The following ARHGAP32 variants were observed in gnomAD, a reference collection of about 807,000 sequenced individuals.
ARHGAP32 encodes the protein rho GTPase-activating protein 32.
In ARHGAP32, 51 loss-of-function variants were observed where a neutral mutation model predicts 186.5. That is an observed-to-expected ratio of 0.27 (90% CI 0.22 to 0.35). ARHGAP32 has a LOEUF of 0.35. ARHGAP32 is among the 10% of genes least tolerant of loss of function. The probability of loss-of-function intolerance (pLI) is 1.00; values close to 1 mark genes in which losing one functional copy is unlikely to be tolerated. For missense variants in ARHGAP32, 2,186 were observed against 2,623.5 expected, an observed-to-expected ratio of 0.83 and a Z score of 3.64; for synonymous variants, 950 against 964.3, an observed-to-expected ratio of 0.99 and a Z score of 0.27.
chr11:128,992,859 A>ATGTGGGCAGATTTTTATTTACTTCTTT (rs1420843954), intron 12 of ARHGAP32, among the ~76,000 whole-genome samples: 1 of 152,194 alleles, frequency 6.6e-6, no homozygotes, highest in East Asian at 1.9e-4. Context: ...AAAAAGTACT[A>ATGTGGGCAGATTTTTATTTACTTCTTT]TGTGGGCAGA....
intron 11 of ARHGAP32, among the ~76,000 whole-genome samples, chr11:129,020,785 A>AT (rs976471013): frequency 3.3e-5 from 5 of 151,922 alleles, no homozygotes; most frequent in African/African-American, 1.2e-4. Context: ...TATGTCAAAA[A>AT]TTTTTTTTAG....
chr11:129,230,648 AT>A (rs1227336100), intron 1 of ARHGAP32, among the ~76,000 whole-genome samples: 1 of 152,178 alleles, frequency 6.6e-6, no homozygotes, highest in Non-Finnish European at 1.5e-5. Context: ...TTTTTAAAAT[AT>A]TATTTCTCAT....
At chr11:128,976,885 T>C (rs1465539975) in intron 19 of ARHGAP32, among the ~76,000 whole-genome samples, 1 of 152,256 alleles carries the variant, frequency 6.6e-6, no homozygotes, top group East Asian at 1.9e-4. Context: ...TAAAGGATTA[T>C]GAATTTGAGC....
chr11:128,971,331 C>A (rs1480426495), intron 22 of ARHGAP32, 172 bp from the exon 23 acceptor site: 11 of 577,602 alleles, frequency 1.9e-5, no homozygotes, highest in Non-Finnish European at 1.8e-5. Context: ...GCTTGTGCTG[C>A]TATTTTGTAC....
intron 2 of ARHGAP32, among the ~76,000 whole-genome samples, chr11:129,131,886 T>C (rs1295850380): frequency 6.6e-6 from 1 of 152,210 alleles, no homozygotes; most frequent in African/African-American, 2.4e-5. Flanking sequence ...TACTTAGACC[T>C]GACAGCAGCC....
At chr11:129,245,125 T>C (rs1389438049) in intron 1 of ARHGAP32, among the ~76,000 whole-genome samples, 1 of 148,840 alleles carries the variant, frequency 6.7e-6, no homozygotes, top group South Asian at 2.1e-4. Context: ...TTATAAATCA[T>C]GCTGCTATAA....
chr11:129,163,841 G>A (rs1180636950), intron 2 of ARHGAP32, among the ~76,000 whole-genome samples: 2 of 152,040 alleles, frequency 1.3e-5, no homozygotes, highest in Non-Finnish European at 2.9e-5. Context: ...GAAACTGCAC[G>A]ATCTGCTTTC....
At chr11:129,127,917 A>G (rs1942701201) in intron 2 of ARHGAP32, among the ~76,000 whole-genome samples, 1 of 152,218 alleles carries the variant, frequency 6.6e-6, no homozygotes, top group Non-Finnish European at 1.5e-5. Context: ...TGTTCATAAA[A>G]GCACGCACCA....
intron 1 of ARHGAP32, among the ~76,000 whole-genome samples, chr11:129,211,286 T>C (rs1488683763): frequency 6.6e-6 from 1 of 152,168 alleles, no homozygotes; most frequent in Non-Finnish European, 1.5e-5. Context: ...ACTCCATTTT[T>C]CCCAGACCTT....
chr11:129,113,239 A>G (rs1302831641), intron 5 of ARHGAP32, among the ~76,000 whole-genome samples: 1 of 152,210 alleles, frequency 6.6e-6, no homozygotes, highest in African/African-American at 2.4e-5. Flanking sequence ...ATGCACATAC[A>G]GAGATGATTA....
intron 12 of ARHGAP32, among the ~76,000 whole-genome samples, chr11:128,993,714 T>C (rs916356533): frequency 2.6e-5 from 4 of 151,284 alleles, no homozygotes; most frequent in Non-Finnish European, 5.9e-5. Flanking sequence ...TTTTTGGAGA[T>C]AGGGTCTCAT....
At chr11:129,114,732 A>G (rs1005132840) in intron 5 of ARHGAP32, among the ~76,000 whole-genome samples, 11 of 152,126 alleles carry the variant, frequency 7.2e-5, no homozygotes, top group Non-Finnish European at 5.9e-5. Context: ...TAGAAATGGC[A>G]AACAGGATTT....
chr11:129,157,913 G>C (rs1482831585), intron 2 of ARHGAP32, among the ~76,000 whole-genome samples: 1 of 152,152 alleles, frequency 6.6e-6, no homozygotes, highest in African/African-American at 2.4e-5. Context: ...AAGAGAGTAG[G>C]GGGCCAATAT....
chr11:129,011,223 A>C (rs1453001778), intron 11 of ARHGAP32, among the ~76,000 whole-genome samples: 1 of 152,192 alleles, frequency 6.6e-6, no homozygotes, highest in Non-Finnish European at 1.5e-5. Flanking sequence ...ACAGCCCACT[A>C]TTAGGAAAAT....
At chr11:129,277,211 ACATCGTTTATATAG>A in intron 1 of ARHGAP32, among the ~76,000 whole-genome samples, 1 of 152,254 alleles carries the variant, frequency 6.6e-6, no homozygotes, top group South Asian at 2.1e-4. Flanking sequence ...AACAATAAAA[ACATCGTTTATATAG>A]CACCGAGAGA....
intron 11 of ARHGAP32, among the ~76,000 whole-genome samples, chr11:129,038,351 T>A (rs1005525986): frequency 3.3e-5 from 5 of 151,918 alleles, no homozygotes; most frequent in Non-Finnish European, 5.9e-5. Flanking sequence ...ATATGTAACA[T>A]CTAAAACTGT....
intron 1 of ARHGAP32, among the ~76,000 whole-genome samples, chr11:129,267,361 T>G (rs1340958101): frequency 6.6e-6 from 1 of 151,970 alleles, no homozygotes; most frequent in African/African-American, 2.4e-5. Context: ...AAAGCAAGAC[T>G]CTGTCTCAAA....
chr11:129,101,528 A>G (rs1316650873), intron 5 of ARHGAP32, among the ~76,000 whole-genome samples: 1 of 152,222 alleles, frequency 6.6e-6, no homozygotes, highest in Non-Finnish European at 1.5e-5. Context: ...GATAGAGCTG[A>G]AAAACACACT....
At chr11:129,221,655 G>GA (rs1327772890) in intron 1 of ARHGAP32, among the ~76,000 whole-genome samples, 1 of 151,576 alleles carries the variant, frequency 6.6e-6, no homozygotes, top group Non-Finnish European at 1.5e-5. Flanking sequence ...AAGAAATGAG[G>GA]AAGAGTACAA....
Sources: allele counts gnomAD v4.1 joint callset (sites outside exome capture counted in the v4.1 genomes callset), GRCh38; gene constraint gnomAD v4.1.1; transcripts MANE v1.5; gene names NCBI Gene and HGNC (gene_info 2026-07-23, HGNC 2026-07-21).